Variants in PRELID2 observed in about 807,000 individuals in gnomAD.
PRELID2 encodes the protein PRELI domain containing 2.
In PRELID2, 25 loss-of-function variants were observed where a neutral mutation model predicts 28.4. The observed-to-expected ratio is 0.88, with a 90% CI of 0.64 to 1.23. The LOEUF (loss-of-function observed/expected upper bound fraction) is 1.23, where lower values mean the gene tolerates loss of function less well. Among genes scored for constraint, PRELID2 ranks in the 50% most tolerant of loss-of-function variants. PRELID2 has a pLI of 0.00. For synonymous variants in PRELID2, 76 were observed against 71.6 expected, an observed-to-expected ratio of 1.06 and a Z score of -0.31; for missense variants, 201 against 214.4, an observed-to-expected ratio of 0.94 and a Z score of 0.39.
chr5:145,797,623 G>A (rs1752852478), intron 4 of PRELID2, among the ~76,000 whole-genome samples: 1 of 152,082 alleles, frequency 6.6e-6, no homozygotes, highest in South Asian at 2.1e-4. Flanking sequence ...GAGAACAGGG[G>A]CAGTCCTCTG....
intron 5 of PRELID2, among the ~76,000 whole-genome samples, chr5:145,770,716 T>C (rs1311353940): frequency 1.3e-5 from 2 of 152,274 alleles, no homozygotes; most frequent in Non-Finnish European, 1.5e-5. Context: ...TGCCTTTGCT[T>C]TTAACAAAAA....
rs879083830 is a variant in PRELID2, at chr5:145,668,412, G to C, written n.70+96519C>G. Among the ~76,000 whole-genome samples the C allele has an allele frequency of 8.6e-5, 13 of 151,102 alleles. No homozygotes were observed. In the East Asian group the frequency reaches 2.5e-3, roughly 29 times the overall value. On this transcript the variant is annotated intron_variant and non_coding_transcript_variant, in intron 1 of 2. Transcript: ENST00000510259. ...AGGCAGTCTAGGGGTACATTTGCAT[G>C]TCCCTATAGATACCCAATATAAATC... is the stretch of plus-strand genomic sequence containing the variant.
chr5:145,351,975 T>C, the PRELID2 span, among the ~76,000 whole-genome samples: 1 of 152,184 alleles, frequency 6.6e-6, no homozygotes, highest in African/African-American at 2.4e-5. Flanking sequence ...TCTCATGGCA[T>C]TGGGCATCTC....
At chr5:145,471,170 C>G (rs1196919709), downstream of PRELID2, among the ~76,000 whole-genome samples, 1 of 152,048 alleles carries the variant, frequency 6.6e-6, no homozygotes, top group Admixed American at 6.6e-5. Flanking sequence ...ACAGGCTCCT[C>G]CCCCAACATC....
chr5:145,672,977 G>A (rs531971458), intron 1 of PRELID2, among the ~76,000 whole-genome samples: 1 of 152,184 alleles, frequency 6.6e-6, no homozygotes, highest in East Asian at 1.9e-4. Flanking sequence ...CTGTAGTTCA[G>A]GACAACCAAG....
intron 5 of PRELID2, among the ~76,000 whole-genome samples, chr5:145,785,840 A>T (rs1561605912): frequency 6.6e-6 from 1 of 152,198 alleles, no homozygotes; most frequent in Non-Finnish European, 1.5e-5. Context: ...GATGGCATCC[A>T]CAGTTTATGC....
the PRELID2 span, among the ~76,000 whole-genome samples, chr5:145,359,251 C>CTATTGTCAGATAGTATTG: frequency 1.8e-4 from 28 of 152,206 alleles, no homozygotes; most frequent in Non-Finnish European, 1.5e-5. Context: ...ATAATCAATA[C>CTATTGTCAGATAGTATTG]TCTGGATAGT....
chr5:145,494,578 C>T (rs1752293198), intron 1 of PRELID2, among the ~76,000 whole-genome samples: 1 of 151,754 alleles, frequency 6.6e-6, no homozygotes, highest in Admixed American at 6.6e-5. Context: ...AAGGGAGTTC[C>T]CTCATCAAGT....
intron 1 of PRELID2, among the ~76,000 whole-genome samples, chr5:145,741,892 A>T (rs1756800108): frequency 7.9e-6 from 1 of 127,094 alleles, no homozygotes; most frequent in African/African-American, 3.1e-5. Context: ...ACAAATAAAT[A>T]ATTTAATTTA....
the PRELID2 span, among the ~76,000 whole-genome samples, chr5:145,319,448 T>G: frequency 6.6e-6 from 1 of 151,952 alleles, no homozygotes; most frequent in Admixed American, 6.6e-5. Context: ...GTGGGTGGAT[T>G]GCCTGAGGTC....
At chr5:145,427,300 T>A in the PRELID2 span, among the ~76,000 whole-genome samples, 1 of 152,230 alleles carries the variant, frequency 6.6e-6, no homozygotes, top group African/African-American at 2.4e-5. Flanking sequence ...TGGCTATGAA[T>A]TTTAACCCTC....
At chr5:145,257,441 G>A in the PRELID2 span, among the ~76,000 whole-genome samples, 1 of 152,036 alleles carries the variant, frequency 6.6e-6, no homozygotes, top group African/African-American at 2.4e-5. Flanking sequence ...TATGCAAAAA[G>A]CAGGCATGAA....
At chr5:145,435,011 C>T in the PRELID2 span, among the ~76,000 whole-genome samples, 2 of 152,220 alleles carry the variant, frequency 1.3e-5, no homozygotes, top group African/African-American at 4.8e-5. Context: ...AAAACAAATG[C>T]CTATTCTCCT....
chr5:145,324,189 T>C, the PRELID2 span, among the ~76,000 whole-genome samples: 1 of 152,148 alleles, frequency 6.6e-6, no homozygotes, highest in Non-Finnish European at 1.5e-5. Flanking sequence ...ATTTAAGGTA[T>C]GTATAAGGTG....
chr5:145,568,987 G>T (rs1752992673), intron 1 of PRELID2, among the ~76,000 whole-genome samples: 1 of 152,212 alleles, frequency 6.6e-6, no homozygotes, highest in Non-Finnish European at 1.5e-5. Context: ...ATTGCTGTTT[G>T]AAACTTTCCT....
chr5:145,705,669 G>A (rs896259972), intron 1 of PRELID2, among the ~76,000 whole-genome samples: 12 of 152,072 alleles, frequency 7.9e-5, no homozygotes, highest in African/African-American at 2.7e-4. Context: ...AATATTTTAG[G>A]TTTTGTAGGC....
chr5:145,601,453 G>GA (rs373103449), intron 1 of PRELID2, among the ~76,000 whole-genome samples: 1 of 151,444 alleles, frequency 6.6e-6, no homozygotes, highest in African/African-American at 2.4e-5. Context: ...AGAACGAACA[G>GA]AAAAAAATAT....
At chr5:145,692,644 A>G (rs1022169848) in intron 1 of PRELID2, among the ~76,000 whole-genome samples, 1 of 152,260 alleles carries the variant, frequency 6.6e-6, no homozygotes, top group African/African-American at 2.4e-5. Context: ...GTCGACAATT[A>G]CAAATGGCAA....
the PRELID2 span, among the ~76,000 whole-genome samples, chr5:145,319,555 C>T: frequency 6.6e-6 from 1 of 151,954 alleles, no homozygotes. Context: ...CCTGTAGTCC[C>T]AGCTATTCAG....
Sources: gnomAD v4.1 joint callset for allele counts (sites outside exome capture counted in the v4.1 genomes callset) on GRCh38, gnomAD v4.1.1 for gene constraint, MANE v1.5 for transcripts, NCBI Gene and HGNC (gene_info 2026-07-23, HGNC 2026-07-21) for gene names.